The following GRXCR1 variants were observed in gnomAD, a reference collection of about 807,000 sequenced individuals.
GRXCR1 encodes the protein glutaredoxin domain-containing cysteine-rich protein 1.
Under a neutral mutation model 27.3 loss-of-function variants are expected in GRXCR1, and 27 were observed. The ratio of observed to expected loss-of-function variants is 0.99; its 90% confidence interval spans 0.73 to 1.37. GRXCR1 has a LOEUF of 1.37. Among genes scored for constraint, GRXCR1 ranks in the 40% most tolerant of loss-of-function variants. The probability of loss-of-function intolerance (pLI) is 0.00; values close to 1 mark genes in which losing one functional copy is unlikely to be tolerated. For synonymous variants in GRXCR1, 122 were observed against 131.1 expected, an observed-to-expected ratio of 0.93 and a Z score of 0.47; for missense variants, 379 against 354.4, an observed-to-expected ratio of 1.07 and a Z score of -0.56.
intron 2 of GRXCR1, among the ~76,000 whole-genome samples, chr4:43,013,625 G>A (rs551790216): frequency 7.2e-5 from 11 of 152,156 alleles, no homozygotes; most frequent in African/African-American, 1.9e-4. Context: ...CCCCTGAATC[G>A]AAAATACAAG....
At chr4:42,920,120 A>T (rs1013250705) in intron 1 of GRXCR1, among the ~76,000 whole-genome samples, 13 of 152,118 alleles carry the variant, frequency 8.5e-5, no homozygotes, top group African/African-American at 3.1e-4. Flanking sequence ...CTTTAGCATC[A>T]CTGGCTGACA....
chr4:42,927,692 CT>C (rs1299451261), intron 1 of GRXCR1, among the ~76,000 whole-genome samples: 3 of 151,840 alleles, frequency 2.0e-5, no homozygotes, highest in African/African-American at 2.4e-5. Context: ...AAAAATAATT[CT>C]GCTAAGATCT....
intron 2 of GRXCR1, among the ~76,000 whole-genome samples, chr4:42,997,518 C>A (rs554398353): frequency 5.3e-5 from 8 of 152,312 alleles, no homozygotes; most frequent in Admixed American, 2.0e-4. Context: ...AGAGACTGCT[C>A]CTCCAGGGTC....
chr4:43,029,156 G>A (rs1391497867), intron 3 of GRXCR1, among the ~76,000 whole-genome samples: 1 of 152,080 alleles, frequency 6.6e-6, no homozygotes, highest in Non-Finnish European at 1.5e-5. Flanking sequence ...TTATATTATT[G>A]ACTCGATAAA....
chr4:42,927,868 T>G (rs1747209501), intron 1 of GRXCR1, among the ~76,000 whole-genome samples: 1 of 151,880 alleles, frequency 6.6e-6, no homozygotes, highest in African/African-American at 2.4e-5. Context: ...GGTAATTTAT[T>G]TGGGAAGTGA....
At chr4:42,899,103 G>A (rs1294447430) in intron 1 of GRXCR1, among the ~76,000 whole-genome samples, 3 of 152,016 alleles carry the variant, frequency 2.0e-5, no homozygotes, top group Admixed American at 6.6e-5. Flanking sequence ...TACTGAGTAG[G>A]ACCTCAATAA....
intron 2 of GRXCR1, among the ~76,000 whole-genome samples, chr4:43,012,190 T>C (rs1397571625): frequency 6.6e-6 from 1 of 152,242 alleles, no homozygotes; most frequent in Non-Finnish European, 1.5e-5. Flanking sequence ...AGAGCCTAGC[T>C]AGCATGCGGC....
intron 1 of GRXCR1, among the ~76,000 whole-genome samples, chr4:42,937,749 T>A (rs556229138): frequency 1.1e-4 from 16 of 151,986 alleles, no homozygotes; most frequent in Non-Finnish European, 2.1e-4. Flanking sequence ...CTCATATACA[T>A]GTATAGCAAT....
chr4:42,926,242 C>A (rs1747154697), intron 1 of GRXCR1, among the ~76,000 whole-genome samples: 2 of 151,764 alleles, frequency 1.3e-5, no homozygotes, highest in African/African-American at 4.8e-5. Context: ...TCCTTTCATT[C>A]TTTTTTTTCT....
chr4:43,009,589 A>G (rs1168187853), intron 2 of GRXCR1, among the ~76,000 whole-genome samples: 1 of 152,156 alleles, frequency 6.6e-6, no homozygotes, highest in Non-Finnish European at 1.5e-5. Flanking sequence ...AGATCAAGGT[A>G]CTGGAAGACT....
intron 2 of GRXCR1, among the ~76,000 whole-genome samples, chr4:42,983,542 C>T (rs962760884): frequency 2.0e-5 from 3 of 151,456 alleles, no homozygotes; most frequent in Non-Finnish European, 4.4e-5. Flanking sequence ...GATGCGGGCT[C>T]TTTTTTGGTT....
chr4:42,927,753 A>G (rs530446223), intron 1 of GRXCR1, among the ~76,000 whole-genome samples: 52 of 152,130 alleles, frequency 3.4e-4, no homozygotes, highest in Non-Finnish European at 6.6e-4. Context: ...ATTCAAGAAC[A>G]GAAAATAGAG....
At chr4:42,972,385 T>C (rs1040137135) in intron 2 of GRXCR1, among the ~76,000 whole-genome samples, 24 of 152,160 alleles carry the variant, frequency 1.6e-4, no homozygotes, top group African/African-American at 5.1e-4. Flanking sequence ...GTGTTAAATC[T>C]TCAAGCTTTG....
chr4:42,940,679 T>C (rs1049252046), intron 1 of GRXCR1, among the ~76,000 whole-genome samples: 4 of 152,124 alleles, frequency 2.6e-5, no homozygotes, highest in Non-Finnish European at 5.9e-5. Context: ...ATTCTGAGCC[T>C]ATATTAGCTT....
chr4:42,951,695 C>T (rs1456486834), intron 1 of GRXCR1, among the ~76,000 whole-genome samples: 1 of 152,196 alleles, frequency 6.6e-6, no homozygotes, highest in Non-Finnish European at 1.5e-5. Context: ...AATCACCACA[C>T]TTCTTCCACA....
At chr4:42,909,723 T>A (rs1240853008) in intron 1 of GRXCR1, among the ~76,000 whole-genome samples, 1 of 152,174 alleles carries the variant, frequency 6.6e-6, no homozygotes, top group Admixed American at 6.6e-5. Context: ...TCAGCTAATC[T>A]GTTCATCATC....
intron 2 of GRXCR1, among the ~76,000 whole-genome samples, chr4:43,014,382 G>T (rs576682573): frequency 4.6e-5 from 7 of 152,230 alleles, no homozygotes; most frequent in African/African-American, 1.7e-4. Flanking sequence ...TGATGGGCAT[G>T]GTAGTCACAG....
At chr4:42,974,535 G>C (rs1045801791) in intron 2 of GRXCR1, among the ~76,000 whole-genome samples, 2 of 152,132 alleles carry the variant, frequency 1.3e-5, no homozygotes, top group Non-Finnish European at 2.9e-5. Context: ...GGAATGTGCT[G>C]TGAGCTTGGT....
chr4:42,916,438 G>A (rs1746888198), intron 1 of GRXCR1, among the ~76,000 whole-genome samples: 1 of 152,072 alleles, frequency 6.6e-6, no homozygotes. Context: ...GTCATTTTTT[G>A]AGATAATATC....
Sources: allele counts gnomAD v4.1 joint callset (sites outside exome capture counted in the v4.1 genomes callset), GRCh38; gene constraint gnomAD v4.1.1; transcripts MANE v1.5; gene names NCBI Gene and HGNC (gene_info 2026-07-23, HGNC 2026-07-21).